Variants in ATP11A observed in about 807,000 individuals in gnomAD.
ATP11A encodes ATPase phospholipid transporting 11A, also known as phospholipid-transporting ATPase IH.
In ATP11A, 81 loss-of-function variants were observed where a neutral mutation model predicts 154.4. The observed-to-expected ratio is 0.52, with a 90% CI of 0.44 to 0.63. The LOEUF (loss-of-function observed/expected upper bound fraction) is 0.63, where lower values mean the gene tolerates loss of function less well. Among genes scored for constraint, ATP11A ranks in the 30% least tolerant of loss-of-function variants. The probability of loss-of-function intolerance (pLI) is 0.00; values close to 1 mark genes in which losing one functional copy is unlikely to be tolerated. For synonymous variants in ATP11A, 623 were observed against 585.9 expected, an observed-to-expected ratio of 1.06 and a Z score of -0.91; for missense variants, 1,316 against 1,474.3, an observed-to-expected ratio of 0.89 and a Z score of 1.76.
intron 16 of ATP11A, among the ~76,000 whole-genome samples, chr13:112,841,729 A>G (rs2079426595): frequency 1.3e-5 from 2 of 152,232 alleles, no homozygotes; most frequent in Non-Finnish European, 2.9e-5. Context: ...TGGAAGAGAA[A>G]CTCGCTTTAT....
intron 2 of ATP11A, among the ~76,000 whole-genome samples, chr13:112,799,323 G>A (rs906282926): frequency 2.0e-5 from 3 of 152,202 alleles, no homozygotes; most frequent in African/African-American, 7.2e-5. Flanking sequence ...TCCATGTGAA[G>A]AGAGTCCACC....
At chr13:112,702,245 C>T (rs139907299) in intron 1 of ATP11A, among the ~76,000 whole-genome samples, 4 of 150,224 alleles carry the variant, frequency 2.7e-5, no homozygotes, top group African/African-American at 7.3e-5. Flanking sequence ...ACTCGGGAGG[C>T]TGAGGCAGGA....
rs2080964248 is a variant in ATP11A, at chr13:112,885,525, T to A, written c.*3659T>A. Reference sequence around the variant, plus strand: ...CACACCCCAAACACGCACAGGCTCCTACACACATGCACACACGTGTACACC... The same window carrying A: ...CACACCCCAAACACGCACAGGCTCCAACACACATGCACACACGTGTACACC... On this transcript the variant is annotated 3_prime_UTR_variant, in exon 30 of 30. Coordinates refer to ENST00000375645, the MANE Select transcript of ATP11A (RefSeq NM_015205.3). 6.6e-6 allele frequency: 1 copy of A among 152,112 alleles called. No individual in the cohort carries two copies. The highest frequency in any genetic ancestry group is 2.4e-5 in the African/African-American group (1 of 41,370). 9.4% of individuals were successfully genotyped at this position (152,112 alleles called of 1,614,324 possible).
rs1473929452 is a variant in ATP11A, at chr13:112,787,396, A to G, written c.162+2139A>G. Among the ~76,000 whole-genome samples, 176 of 95,816 alleles carry G rather than the reference A, an allele frequency of 1.8e-3. 2 individuals are homozygous for G. Among genetic ancestry groups the G allele is most frequent in the African/African-American group, 7.5e-3 (123 of 16,340 alleles). 62.9% of individuals were successfully genotyped at this position (95,816 alleles called of 152,430 possible). A position where few individuals can be genotyped will look rare whatever the true frequency, so the allele number is the denominator to read the frequency against. On this transcript the variant is annotated intron_variant, in intron 2 of 29. Coordinates refer to ENST00000375645, the MANE Select transcript of ATP11A (RefSeq NM_015205.3). ...TGTGGAGACCTACTTAATCCACACC[A>G]GTGTCCTAATGTGTAGACCCCTGTG...
At chr13:112,771,744 C>T (rs1474229552) in intron 1 of ATP11A, among the ~76,000 whole-genome samples, 1 of 152,190 alleles carries the variant, frequency 6.6e-6, no homozygotes, top group African/African-American at 2.4e-5. Context: ...GGCACACAGG[C>T]TCAAGCCACT....
At chr13:112,773,083 C>G (rs1029170568) in intron 1 of ATP11A, among the ~76,000 whole-genome samples, 2 of 152,102 alleles carry the variant, frequency 1.3e-5, no homozygotes, top group Non-Finnish European at 2.9e-5. Context: ...CCTCCCAGAG[C>G]CCCGAGGGCT....
chr13:112,749,033 GC>G (rs2076626566), intron 1 of ATP11A, among the ~76,000 whole-genome samples: 1 of 152,218 alleles, frequency 6.6e-6, no homozygotes, highest in African/African-American at 2.4e-5. Context: ...GCGTCAGGGT[GC>G]CCACAGCTGG....
At chr13:112,864,075 G>C (rs375115415) in intron 25 of ATP11A, among the ~76,000 whole-genome samples, 28 of 58,344 alleles carry the variant, frequency 4.8e-4, no homozygotes, top group African/African-American at 1.5e-3. Flanking sequence ...TTCAGTGCAG[G>C]CCATGCAGCT....
At chr13:112,720,768 G>A (rs1264498586) in intron 1 of ATP11A, among the ~76,000 whole-genome samples, 2 of 152,134 alleles carry the variant, frequency 1.3e-5, no homozygotes, top group Admixed American at 1.3e-4. Flanking sequence ...GTGTTGGCCA[G>A]GCTGGTCTCG....
chr13:112,873,909 A>G lies in ATP11A; in HGVS notation c.3161+233A>G, dbSNP rs925744146. Among the ~76,000 whole-genome samples the G allele has an allele frequency of 2.6e-5, 4 of 152,076 alleles. 1 individual carries two copies. On this transcript the variant is annotated intron_variant, in intron 27 of 29. Transcript: ENST00000375645. ...CCGGGGGAGAAAGACGCTAACTGAT[A>G]ACAGCTTGTGACGAGTTATACGGAG... is the stretch of plus-strand genomic sequence containing the variant.
intron 9 of ATP11A, 88 bp from the exon 10 acceptor site, chr13:112,824,256 A>G: frequency 9.8e-7 from 1 of 1,024,172 alleles, no homozygotes; most frequent in Non-Finnish European, 1.5e-6. Flanking sequence ...TTACCCAAGA[A>G]TTGATTTTCC....
chr13:112,736,770 T>G (rs1891043166), intron 1 of ATP11A, among the ~76,000 whole-genome samples: 3 of 152,202 alleles, frequency 2.0e-5, no homozygotes, highest in African/African-American at 7.2e-5. Context: ...AAACTTACAT[T>G]GAGACTAAAA....
At chr13:112,843,807 C>T (rs1326509523) in intron 17 of ATP11A, among the ~76,000 whole-genome samples, 1 of 152,240 alleles carries the variant, frequency 6.6e-6, no homozygotes, top group African/African-American at 2.4e-5. Flanking sequence ...TCGTGGAATG[C>T]TGTCGACGTG....
At chr13:112,816,965 C>T (rs2078662863) in intron 6 of ATP11A, among the ~76,000 whole-genome samples, 1 of 152,198 alleles carries the variant, frequency 6.6e-6, no homozygotes, top group South Asian at 2.1e-4. Context: ...TTGCCTGTTA[C>T]TTCAATGAGT....
chr13:112,802,355 A>C (rs1326606252), intron 2 of ATP11A, among the ~76,000 whole-genome samples: 1 of 152,126 alleles, frequency 6.6e-6, no homozygotes, highest in Non-Finnish European at 1.5e-5. Flanking sequence ...CACAAAAAAA[A>C]AAGAAAAGAA....
intron 4 of ATP11A, among the ~76,000 whole-genome samples, chr13:112,808,163 CAT>C (rs1473522394): frequency 2.0e-5 from 3 of 152,184 alleles, no homozygotes; most frequent in East Asian, 3.9e-4. Context: ...CCCCAGACAA[CAT>C]GTGGTGTCCT....
chr13:112,791,129 C>G (rs755616715), intron 2 of ATP11A, among the ~76,000 whole-genome samples: 1 of 152,214 alleles, frequency 6.6e-6, no homozygotes, highest in African/African-American at 2.4e-5. Flanking sequence ...CCCCCACCCT[C>G]CAGCCCAAAA....
chr13:112,713,583 G>A (rs939596131), intron 1 of ATP11A, among the ~76,000 whole-genome samples: 11 of 152,140 alleles, frequency 7.2e-5, no homozygotes, highest in African/African-American at 2.7e-4. Context: ...CATCATAGCC[G>A]CCTGTGAAAG....
rs746239870 is a variant in ATP11A, at chr13:112,858,328, C to T, written c.2667+38C>T. ...CCGCTCCCCCTCACGGTGTTAGCAACAGGTCACGCACAGGGTGGCACGACC... is the reference window on the plus strand; with the variant it reads ...CCGCTCCCCCTCACGGTGTTAGCAATAGGTCACGCACAGGGTGGCACGACC... On this transcript the variant is annotated intron_variant, in intron 22 of 29. Coordinates refer to ENST00000375645, the MANE Select transcript of ATP11A (RefSeq NM_015205.3). The T allele has an allele frequency of 4.4e-6, 7 of 1,587,592 alleles. No homozygotes were observed. The South Asian group carries it at 8.0e-5, about 18-fold the overall frequency.
Sources: allele counts gnomAD v4.1 joint callset (sites outside exome capture counted in the v4.1 genomes callset), GRCh38; gene constraint gnomAD v4.1.1; transcripts MANE v1.5; gene names NCBI Gene and HGNC (gene_info 2026-07-23, HGNC 2026-07-21).